The following KRT80 variants were observed in gnomAD, a reference collection of about 807,000 sequenced individuals.
KRT80 encodes keratin 80.
A neutral mutation model predicts 51.5 loss-of-function variants in KRT80; 36 were observed. The ratio of observed to expected loss-of-function variants is 0.70; its 90% CI spans 0.54 to 0.92. KRT80 has a LOEUF of 0.92. Among genes scored for constraint, KRT80 ranks in the 40% least tolerant of loss-of-function variants. The pLI is 0.00. For missense variants in KRT80, 566 were observed against 591.7 expected (o/e 0.96, Z 0.45); for synonymous variants, 235 against 248.3 (o/e 0.95, Z 0.50).
intron 4 of KRT80, among the ~76,000 whole-genome samples, chr12:52,175,574 C>T (rs1260917939): frequency 6.6e-6 from 1 of 152,082 alleles, no homozygotes; most frequent in East Asian, 1.9e-4. Flanking sequence ...TGTGGGCAGC[C>T]TGTCCGGGAA....
intron 4 of KRT80, among the ~76,000 whole-genome samples, chr12:52,174,558 AT>A (rs1297355491): frequency 6.6e-6 from 1 of 152,244 alleles, no homozygotes; most frequent in Non-Finnish European, 1.5e-5. Context: ...TCCCTGAGGA[AT>A]TCCCTGCAGG....
Position 52,169,649 on chromosome 12 carries a change from C to G in KRT80, c.*1749G>C, listed in dbSNP as rs117865996. 685 of 152,714 alleles carry G rather than the reference C, an allele frequency of 4.5e-3. 4 individuals carry two copies. The highest frequency in any genetic ancestry group is 6.9e-3 in the Non-Finnish European group (469 of 68,026). 9.5% of individuals were successfully genotyped at this position (152,714 alleles called of 1,614,324 possible). A position where few individuals can be genotyped will look rare whatever the true frequency, so the allele number is the denominator to read the frequency against. ...TATCTTTCCAGATAGTACATACAGACTGATCATGCAGAAACAGGAAGGGAA... is the reference window on the plus strand; with the variant it reads ...TATCTTTCCAGATAGTACATACAGAGTGATCATGCAGAAACAGGAAGGGAA... On this transcript the variant is annotated 3_prime_UTR_variant, in exon 9 of 9. Transcript: ENST00000394815.
intron 4 of KRT80, among the ~76,000 whole-genome samples, chr12:52,177,246 A>G (rs981991705): frequency 2.6e-5 from 4 of 152,220 alleles, no homozygotes; most frequent in African/African-American, 9.7e-5. Context: ...AATTGGTAAC[A>G]GTGATAAAGC....
chr12:52,173,529 C>T lies in KRT80; in HGVS notation c.831+71G>A, dbSNP rs554637444. ...GAGCTGCAGGCAACCTCAGCCATCA[C>T]CAGTCCAGCCCTTCCTGCCACCCAG... On this transcript the variant is annotated intron_variant, in intron 5 of 8. Coordinates refer to ENST00000394815, the MANE Select transcript of KRT80 (RefSeq NM_182507.3). 21 of 1,502,174 alleles carry T rather than the reference C, an allele frequency of 1.4e-5. No homozygotes were observed. In the African/African-American group the frequency reaches 2.1e-4, roughly 15 times the overall value. The allele number at this position is 1,502,174 out of a possible 1,614,324, so 93.1% of individuals were successfully genotyped here. A position where few individuals can be genotyped will look rare whatever the true frequency, so the allele number is the denominator to read the frequency against.
At chr12:52,176,717 G>C (rs1389076141) in intron 4 of KRT80, among the ~76,000 whole-genome samples, 5 of 152,200 alleles carry the variant, frequency 3.3e-5, no homozygotes, top group African/African-American at 1.2e-4. Context: ...CTAACCTCAG[G>C]TTATCCGCCC....
At chr12:52,173,429 C>T (rs961986180) in intron 5 of KRT80, among the ~76,000 whole-genome samples, 171 bp downstream of exon 5, 7 of 152,094 alleles carry the variant, frequency 4.6e-5, no homozygotes, top group Non-Finnish European at 8.8e-5. Flanking sequence ...GGGCACAGAC[C>T]AGCTTCTGTG....
intron 1 of KRT80, among the ~76,000 whole-genome samples, chr12:52,187,991 A>T (rs1212087509): frequency 6.6e-6 from 1 of 152,074 alleles, no homozygotes; most frequent in East Asian, 1.9e-4. Flanking sequence ...TTGGCCGGCC[A>T]GTCCAGCTAG....
chr12:52,182,390 A>G (rs1941339043), intron 2 of KRT80, among the ~76,000 whole-genome samples: 1 of 152,112 alleles, frequency 6.6e-6, no homozygotes, highest in South Asian at 2.1e-4. Context: ...GGGCTCCTGG[A>G]GTGTGCTGAT....
chr12:52,175,954 G>A (rs1941211702), intron 4 of KRT80, among the ~76,000 whole-genome samples: 1 of 152,122 alleles, frequency 6.6e-6, no homozygotes, highest in Non-Finnish European at 1.5e-5. Context: ...ACACATTGTG[G>A]GCATCGGTGG....
chr12:52,182,837 C>T (rs1941345940), intron 2 of KRT80, among the ~76,000 whole-genome samples: 1 of 152,158 alleles, frequency 6.6e-6, no homozygotes, highest in Non-Finnish European at 1.5e-5. Context: ...GGGAATAAGC[C>T]CTGAGCCCCA....
At chr12:52,183,854 T>C (rs1941361842) in intron 2 of KRT80, among the ~76,000 whole-genome samples, 1 of 152,054 alleles carries the variant, frequency 6.6e-6, no homozygotes, top group Non-Finnish European at 1.5e-5. Context: ...TTTCCTTCCC[T>C]GTAAAAGGAG....
intron 4 of KRT80, among the ~76,000 whole-genome samples, chr12:52,173,983 C>T (rs2120879131): frequency 6.6e-6 from 1 of 152,370 alleles, no homozygotes; most frequent in African/African-American, 2.4e-5. Flanking sequence ...CACCCACAGT[C>T]CCCCTATCTG....
chr12:52,183,962 C>T (rs1371060090), intron 2 of KRT80, among the ~76,000 whole-genome samples: 3 of 152,226 alleles, frequency 2.0e-5, no homozygotes, highest in African/African-American at 7.2e-5. Flanking sequence ...TGGTGAGCTG[C>T]CCCGACTGCC....
At chr12:52,189,637 G>T (rs775561539) in intron 1 of KRT80, among the ~76,000 whole-genome samples, 4 of 152,314 alleles carry the variant, frequency 2.6e-5, no homozygotes, top group Non-Finnish European at 2.9e-5. Flanking sequence ...GGCAAGGAGG[G>T]TGGGGCTAAC....
intron 1 of KRT80, among the ~76,000 whole-genome samples, chr12:52,187,957 A>G (rs1291555485): frequency 6.6e-6 from 1 of 152,142 alleles, no homozygotes; most frequent in African/African-American, 2.4e-5. Context: ...CTTCAGCACT[A>G]GCTCGCTGGG....
chr12:52,187,901 T>C (rs1001313862), intron 1 of KRT80, among the ~76,000 whole-genome samples: 1 of 152,172 alleles, frequency 6.6e-6, no homozygotes, highest in African/African-American at 2.4e-5. Context: ...CAGAGAAATC[T>C]TCACACCAGG....
rs768805852 is a variant in KRT80, at chr12:52,171,722, G to T, written c.1179-9C>A. ...CTGAGGGCGAGTCCATCCTGGGGGT[G>T]GGGGACGGGGGGGTGGGAGAGGGAT... is the stretch of plus-strand genomic sequence containing the variant. On this transcript the variant is annotated splice_polypyrimidine_tract_variant and intron_variant, in intron 7 of 8. Coordinates refer to ENST00000394815, the MANE Select transcript of KRT80 (RefSeq NM_182507.3). 2 of 1,456,858 alleles carry T rather than the reference G, an allele frequency of 1.4e-6. No homozygotes were observed. Among genetic ancestry groups the T allele is most frequent in the South Asian group, 1.2e-5 (1 of 82,148 alleles). 90.2% of individuals were successfully genotyped at this position (1,456,858 alleles called of 1,614,324 possible). A position where few individuals can be genotyped will look rare whatever the true frequency, so the allele number is the denominator to read the frequency against.
At chr12:52,186,066 T>G (rs1941399811) in intron 1 of KRT80, among the ~76,000 whole-genome samples, 1 of 151,946 alleles carries the variant, frequency 6.6e-6, no homozygotes, top group South Asian at 2.1e-4. Context: ...TGACAGAGGC[T>G]CCCTGAACCT....
chr12:52,175,607 C>A (rs955512383), intron 4 of KRT80, among the ~76,000 whole-genome samples: 5 of 152,118 alleles, frequency 3.3e-5, no homozygotes, highest in Non-Finnish European at 7.4e-5. Flanking sequence ...ACCAGCACCT[C>A]CTGGTGACAA....
Sources: allele counts gnomAD v4.1 joint callset (sites outside exome capture counted in the v4.1 genomes callset), GRCh38; gene constraint gnomAD v4.1.1; transcripts MANE v1.5; gene names NCBI Gene and HGNC (gene_info 2026-07-23, HGNC 2026-07-21).